The following USH2A variants were observed in gnomAD, a reference collection of about 807,000 sequenced individuals.
The protein encoded by USH2A is Usher syndrome 2A (autosomal recessive, mild).
In USH2A, 443 loss-of-function variants were observed where a neutral mutation model predicts 538.9. That is an observed-to-expected ratio of 0.82 (90% confidence interval 0.76 to 0.89). The LOEUF is 0.89. Among genes scored for constraint, USH2A ranks in the 40% least tolerant of loss-of-function variants. The pLI is 0.00. For synonymous variants in USH2A, 2,413 were observed against 2,273.5 expected (o/e 1.06, Z -1.75); for missense variants, 6,633 against 6,324.8 (o/e 1.05, Z -1.65).
At chr1:216,251,186 G>T in intron 11 of USH2A, 88 bp from the exon 12 acceptor site, 1 of 1,322,106 alleles carries the variant, frequency 7.6e-7, no homozygotes, top group Non-Finnish European at 1.1e-6. Context: ...GAGGGAGGGA[G>T]AAGAAAACTA....
chr1:215,970,550 C>A, intron 36 of USH2A, 75 bp downstream of exon 36: 1 of 1,596,070 alleles, frequency 6.3e-7, no homozygotes, highest in Non-Finnish European at 8.6e-7. Context: ...TGAGTCACCG[C>A]CACTTACTTC....
chr1:215,960,349 T>C (rs956729479), intron 37 of USH2A, among the ~76,000 whole-genome samples: 3 of 152,058 alleles, frequency 2.0e-5, no homozygotes, highest in African/African-American at 7.2e-5. Context: ...TACACATTTG[T>C]TTTATTTTTT....
chr1:216,084,824 T>A lies in USH2A; in HGVS notation c.5041A>T (p.Asn1681Tyr), dbSNP rs746010533. The A allele has an allele frequency of 6.2e-7, 1 of 1,613,568 alleles. No individual in the cohort carries two copies. The highest frequency in any genetic ancestry group is 8.5e-7 in the Non-Finnish European group (1 of 1,179,670). The change falls in exon 25 of 72, where the codon AAT becomes TAT. Residue 1681 changes from asparagine (N) to tyrosine (Y), a missense_variant. Asn to Tyr is a moderately radical substitution (Grantham distance 143, BLOSUM62 -2). Coordinates refer to ENST00000307340, the MANE Select transcript of USH2A (RefSeq NM_206933.4). Reference sequence around the variant, plus strand: ...TCCCAAATAGCTGACGGATTGTAATTCTTCATAAAATGTACATCCTTGAGA... The same window carrying A: ...TCCCAAATAGCTGACGGATTGTAATACTTCATAAAATGTACATCCTTGAGA... The part of the protein sequence containing the change: ...GCLKDVHFMK[N>Y]YNPSAIWEPL...
At chr1:216,174,415 G>T in intron 21 of USH2A, 1 of 985,094 alleles carries the variant, frequency 1.0e-6, no homozygotes, top group Non-Finnish European at 1.2e-6. Flanking sequence ...AGTCACAGAG[G>T]TCATGGGACT....
chr1:215,792,135 T>C (rs1371680645), intron 50 of USH2A, among the ~76,000 whole-genome samples: 2 of 152,222 alleles, frequency 1.3e-5, no homozygotes, highest in African/African-American at 2.4e-5. Flanking sequence ...AATTACTTCA[T>C]GGTTTCACTA....
rs373759444 is a variant in USH2A, at chr1:215,786,899, G to C, written c.10183-25C>G. 8.1e-5 allele frequency: 130 copies of C among 1,610,930 alleles called. No homozygotes were observed. The South Asian group carries it at 1.3e-3, about 16-fold the overall frequency. On this transcript the variant is annotated intron_variant, in intron 51 of 71. Transcript: ENST00000307340. ...CCTGAGTCAAGTGGCAGGGGTGAGA[G>C]AGAGAGGGGTATTTAAAAATTTCAT...
At chr1:216,289,685 A>G (rs2036963740) in intron 10 of USH2A, among the ~76,000 whole-genome samples, 1 of 152,168 alleles carries the variant, frequency 6.6e-6, no homozygotes, top group Admixed American at 6.5e-5. Context: ...ACATTTGGAA[A>G]GAGTTTGCTC....
At chr1:216,059,647 G>T (rs1047887062) in intron 30 of USH2A, among the ~76,000 whole-genome samples, 13 of 152,180 alleles carry the variant, frequency 8.5e-5, no homozygotes, top group Admixed American at 7.9e-4. Flanking sequence ...ATGCATGCAG[G>T]CAAGGCTCTA....
intron 60 of USH2A, among the ~76,000 whole-genome samples, chr1:215,734,162 T>C (rs1310875529): frequency 6.6e-6 from 1 of 152,246 alleles, no homozygotes; most frequent in Non-Finnish European, 1.5e-5. Context: ...GCTTGCATTC[T>C]GTGCATCTGC....
chr1:216,397,147 A>G (rs2039225673), intron 3 of USH2A, among the ~76,000 whole-genome samples: 1 of 152,210 alleles, frequency 6.6e-6, no homozygotes, highest in Admixed American at 6.5e-5. Context: ...TTTTATTCAT[A>G]TCCAGTGTGA....
chr1:216,034,247 T>A (rs1669193758), intron 32 of USH2A, among the ~76,000 whole-genome samples: 1 of 152,086 alleles, frequency 6.6e-6, no homozygotes, highest in South Asian at 2.1e-4. Flanking sequence ...AGGTGAGGTA[T>A]CACAGACACC....
intron 11 of USH2A, among the ~76,000 whole-genome samples, chr1:216,287,980 T>C (rs2036919394): frequency 6.6e-6 from 1 of 152,198 alleles, no homozygotes; most frequent in South Asian, 2.1e-4. Flanking sequence ...GTTCTGTTTA[T>C]GTTGGAAAGA....
rs770686242 is a variant in USH2A at position 216,199,839 on chromosome 1, C to T, written c.3599G>A (p.Gly1200Asp). The T allele has an allele frequency of 1.2e-6, 2 of 1,614,100 alleles. No individual in the cohort carries two copies. Among genetic ancestry groups the T allele is most frequent in the East Asian group, 2.2e-5 (1 of 44,864 alleles). ...AGGQPCVSYEGHETSATIWNL... is the reference protein window; with the variant it reads ...AGGQPCVSYEDHETSATIWNL... The stretch of plus-strand genomic sequence containing the variant: ...CCAGATGGTAGCTGAGGTTTCATGA[C>T]CTTCGTAGGAAACACATGGCTGACC... The change falls in exon 17 of 72, where the codon GGT becomes GAT. Residue 1200 changes from glycine (G) to aspartate (D), a missense_variant. Gly to Asp is a moderately conservative substitution (Grantham distance 94). Transcript: ENST00000307340.
At chr1:216,039,544 T>G (rs912178085) in intron 32 of USH2A, among the ~76,000 whole-genome samples, 1 of 152,036 alleles carries the variant, frequency 6.6e-6, no homozygotes, top group African/African-American at 2.4e-5. Context: ...CTTTAGGTAA[T>G]AGTATTTTTA....
At chr1:216,328,786 G>C (rs978860702) in intron 4 of USH2A, among the ~76,000 whole-genome samples, 19 of 151,900 alleles carry the variant, frequency 1.3e-4, no homozygotes, top group Non-Finnish European at 4.4e-5. Flanking sequence ...GTGAGACTTA[G>C]GAGCCTAAAA....
Position 215,728,275 on chromosome 1 carries a change from G to T in USH2A, c.11821C>A (p.Arg3941=), listed in dbSNP as rs749942414. 3 of 1,614,098 alleles carry T rather than the reference G, an allele frequency of 1.9e-6. No homozygotes were observed. Among genetic ancestry groups the T allele is most frequent in the Non-Finnish European group, 2.5e-6 (3 of 1,180,014 alleles). ...CCCTTGGAGTTACAGGCTCTGACCC[G>T]ATATTCGTAGAGTGTGAAAGGCCTC... is the stretch of plus-strand genomic sequence containing the variant. The part of the protein sequence containing the change: ...TLRPFTLYEY[R]VRACNSKGSV... Residue 3941 remains arginine (R), a synonymous_variant, in exon 61 of 72, where the codon CGG becomes AGG. Coordinates refer to ENST00000307340, the MANE Select transcript of USH2A (RefSeq NM_206933.4).
intron 12 of USH2A, among the ~76,000 whole-genome samples, chr1:216,250,406 A>G (rs962499757): frequency 6.6e-6 from 1 of 152,164 alleles, no homozygotes; most frequent in Non-Finnish European, 1.5e-5. Context: ...ATGTTGACTT[A>G]TTTTGCATTT....
chr1:216,011,459 T>A (rs1668566748), intron 32 of USH2A, among the ~76,000 whole-genome samples: 1 of 152,112 alleles, frequency 6.6e-6, no homozygotes, highest in African/African-American at 2.4e-5. Context: ...ACATGTGCTC[T>A]CCCTGCTGAT....
intron 61 of USH2A, among the ~76,000 whole-genome samples, chr1:215,687,918 C>T (rs1485495556): frequency 6.6e-6 from 1 of 151,990 alleles, no homozygotes; most frequent in East Asian, 1.9e-4. Flanking sequence ...TCATTACCTT[C>T]CCGAATTTTA....
Sources: allele counts gnomAD v4.1 joint callset (sites outside exome capture counted in the v4.1 genomes callset), GRCh38; gene constraint gnomAD v4.1.1; transcripts MANE v1.5; gene names NCBI Gene and HGNC (gene_info 2026-07-23, HGNC 2026-07-21).